Variants in SRSF11 observed in about 807,000 individuals in gnomAD.
SRSF11 encodes serine and arginine rich splicing factor 11.
A neutral mutation model predicts 56.0 loss-of-function variants in SRSF11; 9 were observed. That is an observed-to-expected ratio of 0.16 (90% CI 0.10 to 0.28). The LOEUF (loss-of-function observed/expected upper bound fraction) is 0.28. Among genes scored for constraint, SRSF11 ranks in the 10% least tolerant of loss-of-function variants. The pLI is 1.00. For missense variants in SRSF11, 421 were observed against 600.7 expected (o/e 0.70, Z 3.13); for synonymous variants, 222 against 215.3 (o/e 1.03, Z -0.27).
chr1:70,242,074 C>T (rs911987842), intron 7 of SRSF11, among the ~76,000 whole-genome samples: 5 of 150,986 alleles, frequency 3.3e-5, no homozygotes, highest in African/African-American at 1.2e-4. Flanking sequence ...GAGGCTGAAG[C>T]AGGAGAATCG....
At chr1:70,219,853 T>C (rs1670352828), upstream of SRSF11, among the ~76,000 whole-genome samples, 1 of 152,356 alleles carries the variant, frequency 6.6e-6, no homozygotes, top group South Asian at 2.1e-4. Context: ...CTCAATAACC[T>C]TGTGCTCTAA....
At chr1:70,220,725 C>T (rs1670458143), upstream of SRSF11, 1 of 152,162 alleles carries the variant, frequency 6.6e-6, no homozygotes, top group Non-Finnish European at 1.5e-5. Context: ...TGGCAGGCGC[C>T]TGTAATCCCA....
At position 70,252,701 on chromosome 1, in the gene SRSF11, G is replaced by A. The variant is rs1571992007; in HGVS notation, c.*1896G>A. 6.6e-6 allele frequency: 1 copy of A among 152,078 alleles called. No individual in the cohort carries two copies. Among genetic ancestry groups the A allele is most frequent in the African/African-American group, 2.4e-5 (1 of 41,388 alleles). 9.4% of individuals were successfully genotyped at this position (152,078 alleles called of 1,614,324 possible). Reference sequence around the variant, plus strand: ...TTTTAAACTTTAGTAGATAAAAGGTGAACCATGTGACATGGGCATTTTTGT... The same window carrying A: ...TTTTAAACTTTAGTAGATAAAAGGTAAACCATGTGACATGGGCATTTTTGT... On this transcript the variant is annotated 3_prime_UTR_variant, in exon 12 of 12. Transcript: ENST00000370949.
chr1:70,242,060 T>G (rs983543500), intron 7 of SRSF11, among the ~76,000 whole-genome samples: 1 of 151,426 alleles, frequency 6.6e-6, no homozygotes, highest in African/African-American at 2.4e-5. Flanking sequence ...TCCCAGCTAC[T>G]CAGGAGGCTG....
intron 7 of SRSF11, among the ~76,000 whole-genome samples, chr1:70,240,426 A>G (rs543718886): frequency 3.0e-4 from 46 of 152,304 alleles, no homozygotes; most frequent in African/African-American, 8.2e-4. Flanking sequence ...TTTACCCACT[A>G]TGGCTTTTGT....
chr1:70,234,416 G>A (rs191205498), intron 3 of SRSF11, among the ~76,000 whole-genome samples: 2 of 152,116 alleles, frequency 1.3e-5, no homozygotes, highest in African/African-American at 2.4e-5. Flanking sequence ...GGGGAAATGT[G>A]TTGTAATGGG....
At chr1:70,247,575 C>T (rs375023834) in intron 9 of SRSF11, among the ~76,000 whole-genome samples, 1 of 151,954 alleles carries the variant, frequency 6.6e-6, no homozygotes, top group African/African-American at 2.4e-5. Context: ...GTATAAAAGA[C>T]CTAAATGTAA....
intron 1 of SRSF11, among the ~76,000 whole-genome samples, chr1:70,209,461 G>A (rs932214421): frequency 6.6e-6 from 1 of 152,160 alleles, no homozygotes; most frequent in African/African-American, 2.4e-5. Flanking sequence ...ATGTATGAGA[G>A]CTGCTATCTT....
chr1:70,246,823 A>T lies in SRSF11; in HGVS notation c.938A>T (p.Lys313Ile). 1 of 1,607,676 alleles carries T rather than the reference A, an allele frequency of 6.2e-7. No individual in the cohort carries two copies. The highest frequency in any genetic ancestry group is 8.5e-7 in the Non-Finnish European group (1 of 1,177,246). ...AAATTGTGTTCATTTGTTAGAGACA[A>T]AAAGAAAGAAGACAAAGAAAAGAAA... ...RSRSTSKTRD[K>I]KKEDKEKKRS... The change falls in exon 9 of 12, where the codon AAA (lysine) becomes ATA (isoleucine). Residue 313 changes from lysine to isoleucine, a missense_variant. By Grantham distance (102) the Lys-to-Ile change is moderately radical. Around this residue, in one of 2 missense-constraint regions of SRSF11, gnomAD observed 253 missense variants for 305.8 expected, o/e 0.83. Transcript: ENST00000370949.
Position 70,252,568 on chromosome 1 carries a change from T to TAAA in SRSF11, c.*1763_*1764insAAA, listed in dbSNP as rs1678103767. The TAAA allele has an allele frequency of 1.1e-5, 1 of 89,818 alleles. No individual in the cohort carries two copies. The highest frequency in any genetic ancestry group is 2.2e-5 in the Non-Finnish European group (1 of 46,136). The allele number at this position is 89,818 out of a possible 1,614,324, so 5.6% of individuals were successfully genotyped here. ...TTTTACAGTTTGTAGTAAGTAACTT[T>TAAA]TTAAAGATTTTATCAAAAAGAATTG... On this transcript the variant is annotated 3_prime_UTR_variant, in exon 12 of 12. Coordinates refer to ENST00000370949, the MANE Select transcript of SRSF11 (RefSeq NM_001350605.2).
intron 1 of SRSF11, among the ~76,000 whole-genome samples, chr1:70,206,174 T>G (rs938576012): frequency 6.6e-6 from 1 of 152,170 alleles, no homozygotes; most frequent in Non-Finnish European, 1.5e-5. Flanking sequence ...TCCTTAAAAT[T>G]TAATAAATGT....
upstream of SRSF11, among the ~76,000 whole-genome samples, chr1:70,217,153 T>C (rs1046220755): frequency 1.6e-4 from 24 of 151,018 alleles, no homozygotes; most frequent in African/African-American, 5.9e-4. Context: ...TTTTTGTTGT[T>C]GTTTTTTGTT....
intron 2 of SRSF11, chr1:70,230,690 G>T: frequency 8.1e-7 from 1 of 1,228,336 alleles, no homozygotes; most frequent in East Asian, 5.8e-5. Context: ...CAGAGGATCA[G>T]ATGCATGACT....
At chr1:70,217,829 ATTAT>A (rs1397530337), upstream of SRSF11, among the ~76,000 whole-genome samples, 21 of 152,330 alleles carry the variant, frequency 1.4e-4, no homozygotes, top group African/African-American at 4.3e-4. Flanking sequence ...CATTAACATA[ATTAT>A]TTAATCTATT....
At chr1:70,230,738 TCTCA>T in intron 2 of SRSF11, 2 of 1,176,562 alleles carry the variant, frequency 1.7e-6, no homozygotes, top group Non-Finnish European at 2.1e-6. Context: ...CTATCAGGTG[TCTCA>T]CAATAAATTC....
chr1:70,228,744 T>C (rs1223402641), intron 2 of SRSF11, 189 bp downstream of exon 2: 1 of 1,268,052 alleles, frequency 7.9e-7, no homozygotes, highest in Non-Finnish European at 9.9e-7. Context: ...AGGTCTGTTA[T>C]TATAAGGTAT....
chr1:70,217,801 A>T (rs1305379171), upstream of SRSF11, among the ~76,000 whole-genome samples: 1 of 152,176 alleles, frequency 6.6e-6, no homozygotes, highest in Non-Finnish European at 1.5e-5. Flanking sequence ...TATATGTCTT[A>T]TTCCTATGTA....
chr1:70,237,672 A>T, intron 6 of SRSF11, 120 bp downstream of exon 6: 1 of 1,383,848 alleles, frequency 7.2e-7, no homozygotes, highest in Non-Finnish European at 9.8e-7. Context: ...CTGATAAAAG[A>T]TTGTATAGTG....
intron 1 of SRSF11, among the ~76,000 whole-genome samples, chr1:70,211,992 T>TC (rs1404661743): frequency 3.9e-5 from 6 of 152,196 alleles, no homozygotes; most frequent in African/African-American, 1.2e-4. Flanking sequence ...GATCAATATC[T>TC]CCAAGTGCTT....
Sources: allele counts gnomAD v4.1 joint callset (sites outside exome capture counted in the v4.1 genomes callset), GRCh38; gene constraint gnomAD v4.1.1; regional missense constraint gnomAD v4.1.1; transcripts MANE v1.5; gene names NCBI Gene and HGNC (gene_info 2026-07-23, HGNC 2026-07-21).